The following MACROD2 variants were observed in gnomAD, a reference collection of about 807,000 sequenced individuals.
MACROD2 encodes the protein mono-ADP ribosylhydrolase 2.
In MACROD2, 36 loss-of-function variants were observed where a neutral mutation model predicts 70.4. That is an observed-to-expected ratio of 0.51 (90% CI 0.39 to 0.68). The LOEUF (loss-of-function observed/expected upper bound fraction) is 0.68, where lower values mean the gene tolerates loss of function less well. Ranked by LOEUF, MACROD2 falls within the 30% of genes least tolerant of loss-of-function variation. The probability of loss-of-function intolerance (pLI) is 0.00; values close to 1 mark genes in which losing one functional copy is unlikely to be tolerated. For missense variants in MACROD2, 496 were observed against 538.4 expected, an observed-to-expected ratio of 0.92 and a Z score of 0.78; for synonymous variants, 172 against 178.8, an observed-to-expected ratio of 0.96 and a Z score of 0.30.
rs150430292 is a variant in MACROD2 at position 15,714,825 on chromosome 20, T to G, written c.646-147920T>G. Among the ~76,000 whole-genome samples, 5 of 152,330 alleles carry G rather than the reference T, an allele frequency of 3.3e-5. No homozygotes were observed. The East Asian group carries it at 9.6e-4, about 29-fold the overall frequency. On this transcript the variant is annotated intron_variant, in intron 8 of 17. Transcript: ENST00000684519. ...AATAAATATGCATATATAAACATGA[T>G]ATAGATATATGTGATCTATATATGT... is the stretch of plus-strand genomic sequence containing the variant.
Position 14,081,140 on chromosome 20 carries a change from T to C in MACROD2, c.164-4481T>C, listed in dbSNP as rs148794290. On this transcript the variant is annotated intron_variant, in intron 2 of 17. Transcript: ENST00000684519. ...CTTACCCTTGATATCAGATCACTCTTGATACTTGGTCAAATTGCTCATCCC... is the reference window on the plus strand; with the variant it reads ...CTTACCCTTGATATCAGATCACTCTCGATACTTGGTCAAATTGCTCATCCC... Among the ~76,000 whole-genome samples the C allele has an allele frequency of 8.9e-3, 1,356 of 152,348 alleles. 16 individuals carry two copies. Among genetic ancestry groups the C allele is most frequent in the Non-Finnish European group, 0.015 (1,009 of 68,034 alleles).
At chr20:15,083,663 T>C (rs890838519) in intron 5 of MACROD2, among the ~76,000 whole-genome samples, 4 of 152,080 alleles carry the variant, frequency 2.6e-5, no homozygotes, top group African/African-American at 9.7e-5. Context: ...TGGTTGGTAT[T>C]AGAGCAAAGC....
At chr20:15,500,361 T>C (rs1162371728) in intron 8 of MACROD2, among the ~76,000 whole-genome samples, 2 of 152,184 alleles carry the variant, frequency 1.3e-5, no homozygotes, top group Non-Finnish European at 2.9e-5. Context: ...TGAAACTAAA[T>C]ACCTTCATCA....
intron 6 of MACROD2, among the ~76,000 whole-genome samples, chr20:15,276,071 A>C (rs1479494770): frequency 1.3e-5 from 2 of 152,158 alleles, no homozygotes; most frequent in Admixed American, 1.3e-4. Context: ...TTCTTAATAG[A>C]ATATCATATA....
chr20:14,437,971 A>T (rs1426627347), intron 3 of MACROD2, among the ~76,000 whole-genome samples: 1 of 152,188 alleles, frequency 6.6e-6, no homozygotes, highest in Non-Finnish European at 1.5e-5. Context: ...ATATCTACTC[A>T]TTTAGCAAAA....
chr20:15,702,888 T>G (rs1194977409), intron 8 of MACROD2, among the ~76,000 whole-genome samples: 2 of 152,228 alleles, frequency 1.3e-5, no homozygotes, highest in African/African-American at 4.8e-5. Flanking sequence ...AACTTCGAAC[T>G]ATACTATAAG....
At chr20:14,681,838 A>G (rs1159290039) in intron 4 of MACROD2, among the ~76,000 whole-genome samples, 2 of 152,194 alleles carry the variant, frequency 1.3e-5, no homozygotes, top group Non-Finnish European at 2.9e-5. Context: ...GTGATTAATA[A>G]TGGTTAAGAG....
intron 8 of MACROD2, among the ~76,000 whole-genome samples, chr20:15,714,122 A>T (rs2327960): frequency 1.3e-5 from 2 of 151,936 alleles, no homozygotes; most frequent in Non-Finnish European, 2.9e-5. Flanking sequence ...TTAACTATGC[A>T]CATTAAAAAT....
At chr20:15,826,090 A>G (rs1210872955) in intron 8 of MACROD2, among the ~76,000 whole-genome samples, 4 of 152,368 alleles carry the variant, frequency 2.6e-5, no homozygotes, top group Admixed American at 2.0e-4. Flanking sequence ...ATCTGTGATT[A>G]TAAAGAAATA....
chr20:15,461,006 A>ATATATATATTTTTTT lies in MACROD2; in HGVS notation c.571+29572_571+29573insATATATATTTTTTTT. Among the ~76,000 whole-genome samples, 117 of 66,974 alleles carry ATATATATATTTTTTT rather than the reference A, an allele frequency of 1.7e-3. 2 individuals carry two copies. The highest frequency in any genetic ancestry group is 5.5e-3 in the South Asian group (8 of 1,466). 43.9% of individuals were successfully genotyped at this position (66,974 alleles called of 152,430 possible). A position where few individuals can be genotyped will look rare whatever the true frequency, so the allele number is the denominator to read the frequency against. ...TATATATATATATATATATATATAT[A>ATATATATATTTTTTT]TTTTTTTTTAATAGATGGGGTCTTG... On this transcript the variant is annotated intron_variant, in intron 7 of 17. Transcript: ENST00000684519.
chr20:14,800,730 G>A (rs1381054601), intron 5 of MACROD2, among the ~76,000 whole-genome samples: 2 of 152,032 alleles, frequency 1.3e-5, no homozygotes, highest in South Asian at 2.1e-4. Flanking sequence ...TTTGAAGGCC[G>A]GAATACCTTT....
At chr20:15,719,166 G>T (rs1360065579) in intron 8 of MACROD2, among the ~76,000 whole-genome samples, 1 of 152,040 alleles carries the variant, frequency 6.6e-6, no homozygotes, top group African/African-American at 2.4e-5. Flanking sequence ...TCTTGTTCAG[G>T]TTGTAAATAT....
chr20:15,427,861 A>T (rs2046318603), intron 6 of MACROD2, among the ~76,000 whole-genome samples: 2 of 152,074 alleles, frequency 1.3e-5, no homozygotes, highest in Admixed American at 6.5e-5. Flanking sequence ...ACAAGGGGTG[A>T]TTTTTTCCCC....
At chr20:14,206,670 T>TCAAGC (rs2081526469) in intron 3 of MACROD2, among the ~76,000 whole-genome samples, 1 of 151,626 alleles carries the variant, frequency 6.6e-6, no homozygotes, top group Non-Finnish European at 1.5e-5. Flanking sequence ...TTTTTTTTTT[T>TCAAGC]AAGTCAGTTA....
chr20:14,707,096 A>G (rs1245165808), intron 5 of MACROD2, among the ~76,000 whole-genome samples: 1 of 152,116 alleles, frequency 6.6e-6, no homozygotes, highest in East Asian at 1.9e-4. Context: ...AGATTTTATA[A>G]AATTGTTTAC....
At chr20:15,006,371 G>A (rs532211305) in intron 5 of MACROD2, among the ~76,000 whole-genome samples, 3 of 152,038 alleles carry the variant, frequency 2.0e-5, no homozygotes, top group African/African-American at 7.2e-5. Context: ...GGGAGATGTT[G>A]GTCAAAGGGT....
At chr20:14,565,859 C>T (rs1192612466) in intron 4 of MACROD2, among the ~76,000 whole-genome samples, 1 of 151,860 alleles carries the variant, frequency 6.6e-6, no homozygotes, top group Non-Finnish European at 1.5e-5. Context: ...ATATCCGGCT[C>T]AACAGAGTTT....
At chr20:14,276,446 G>A (rs2082257381) in intron 3 of MACROD2, among the ~76,000 whole-genome samples, 2 of 126,670 alleles carry the variant, frequency 1.6e-5, no homozygotes, top group East Asian at 2.6e-4. Context: ...ATGGACACAG[G>A]AAGGGGAACA....
At chr20:14,994,822 A>G (rs1347389732) in intron 5 of MACROD2, among the ~76,000 whole-genome samples, 1 of 152,180 alleles carries the variant, frequency 6.6e-6, no homozygotes, top group African/African-American at 2.4e-5. Context: ...ACTAATCCAC[A>G]TAATGTTCCA....
Sources: gnomAD v4.1 joint callset for allele counts (sites outside exome capture counted in the v4.1 genomes callset) on GRCh38, gnomAD v4.1.1 for gene constraint, MANE v1.5 for transcripts, NCBI Gene and HGNC (gene_info 2026-07-23, HGNC 2026-07-21) for gene names.